The following WWOX variants were observed in gnomAD, a reference collection of about 807,000 sequenced individuals.
WWOX encodes the protein WW domain containing oxidoreductase, also known as WW domain-containing oxidoreductase.
A neutral mutation model predicts 46.2 loss-of-function variants in WWOX; 69 were observed. The ratio of observed to expected loss-of-function variants is 1.49; its 90% CI spans 1.23 to 1.82. The LOEUF (loss-of-function observed/expected upper bound fraction) is 1.82, where lower values mean the gene tolerates loss of function less well. Among genes scored for constraint, WWOX ranks in the 40% most tolerant of loss-of-function variants. The pLI, the probability that WWOX is intolerant of heterozygous loss-of-function variation, is 0.00. For missense variants in WWOX, 919 were observed against 542.6 expected (o/e 1.69, Z -6.89); for synonymous variants, 359 against 202.6 (o/e 1.77, Z -6.56).
At chr16:78,676,583 C>T (rs917857045) in intron 8 of WWOX, among the ~76,000 whole-genome samples, 1 of 152,080 alleles carries the variant, frequency 6.6e-6, no homozygotes, top group South Asian at 2.1e-4. Context: ...GATGAAATAT[C>T]GGGCACTCTG....
intron 5 of WWOX, among the ~76,000 whole-genome samples, chr16:78,281,643 A>T (rs1317576704): frequency 6.6e-6 from 1 of 152,192 alleles, no homozygotes. Flanking sequence ...AGGAGCAGGC[A>T]TGGCTGCGAG....
intron 5 of WWOX, among the ~76,000 whole-genome samples, chr16:78,296,727 G>A (rs932758474): frequency 2.6e-5 from 4 of 152,124 alleles, no homozygotes; most frequent in Non-Finnish European, 2.9e-5. Flanking sequence ...GGGAGCTGCT[G>A]TTGTGTTTGT....
chr16:78,294,532 T>G (rs964501561), intron 5 of WWOX, among the ~76,000 whole-genome samples: 4 of 152,186 alleles, frequency 2.6e-5, no homozygotes, highest in Admixed American at 2.6e-4. Context: ...TTTATACTCC[T>G]TGATGCAGAT....
At chr16:78,616,336 C>T (rs896341338) in intron 8 of WWOX, among the ~76,000 whole-genome samples, 6 of 151,990 alleles carry the variant, frequency 3.9e-5, no homozygotes, top group African/African-American at 1.5e-4. Flanking sequence ...TCTCACAATT[C>T]CGGAGGCTGA....
chr16:78,889,081 C>T (rs963919697), intron 8 of WWOX, among the ~76,000 whole-genome samples: 1 of 152,132 alleles, frequency 6.6e-6, no homozygotes, highest in Non-Finnish European at 1.5e-5. Context: ...TCTTTGAATT[C>T]AACTCAGAGG....
chr16:79,101,980 A>G (rs1351420313), intron 8 of WWOX, among the ~76,000 whole-genome samples: 1 of 145,376 alleles, frequency 6.9e-6, no homozygotes, highest in African/African-American at 2.5e-5. Flanking sequence ...CACTTAATTC[A>G]AGCTGCATCA....
chr16:78,886,407 T>C (rs2044459222), intron 8 of WWOX, among the ~76,000 whole-genome samples: 1 of 151,986 alleles, frequency 6.6e-6, no homozygotes, highest in South Asian at 2.1e-4. Flanking sequence ...TAATTTTGAA[T>C]GGTGGCTTCA....
chr16:78,208,150 A>G (rs890232634), intron 5 of WWOX, among the ~76,000 whole-genome samples: 1 of 152,148 alleles, frequency 6.6e-6, no homozygotes, highest in Non-Finnish European at 1.5e-5. Context: ...TCATATGCCA[A>G]TGTTTTATTC....
intron 6 of WWOX, among the ~76,000 whole-genome samples, chr16:78,410,742 G>A (rs1383606103): frequency 6.7e-6 from 1 of 148,980 alleles, no homozygotes; most frequent in Non-Finnish European, 1.5e-5. Context: ...GGAGGCGGAG[G>A]TTGTGGTCAA....
chr16:78,945,100 A>T (rs538612736), intron 8 of WWOX, among the ~76,000 whole-genome samples: 1 of 152,266 alleles, frequency 6.6e-6, no homozygotes, highest in Non-Finnish European at 1.5e-5. Flanking sequence ...GGATTGCTGG[A>T]GCCTGGGATA....
At chr16:79,140,391 C>G (rs1039656915) in intron 8 of WWOX, among the ~76,000 whole-genome samples, 2 of 152,194 alleles carry the variant, frequency 1.3e-5, no homozygotes, top group Non-Finnish European at 2.9e-5. Flanking sequence ...CATCCGCCAG[C>G]TCTTATAATC....
At chr16:78,420,948 C>T (rs1209588050) in intron 6 of WWOX, among the ~76,000 whole-genome samples, 1 of 152,012 alleles carries the variant, frequency 6.6e-6, no homozygotes. Flanking sequence ...TAATTTCCTG[C>T]TTTTTCAATT....
chr16:78,518,588 A>G (rs1597202468), intron 8 of WWOX, among the ~76,000 whole-genome samples: 5 of 152,336 alleles, frequency 3.3e-5, no homozygotes, highest in Admixed American at 2.0e-4. Context: ...TTTCTACACA[A>G]TGGAAACTTA....
At chr16:78,912,896 C>A (rs548829546) in intron 8 of WWOX, among the ~76,000 whole-genome samples, 2 of 152,068 alleles carry the variant, frequency 1.3e-5, no homozygotes, top group South Asian at 4.1e-4. Flanking sequence ...GCTTGGAAAA[C>A]ACTATCCATT....
chr16:78,887,130 G>T (rs1394517029), intron 8 of WWOX, among the ~76,000 whole-genome samples: 1 of 124,448 alleles, frequency 8.0e-6, no homozygotes, highest in Non-Finnish European at 1.7e-5. Flanking sequence ...GTGTGTGTGT[G>T]TGTGTATACC....
rs1199317546 is a variant in WWOX at position 78,422,684 on chromosome 16, T to TAC, written c.606-2170_606-2169dup. ...ACATGTATATATATATATATATATA[T>TAC]ACACACACACACACACATATATATA... On this transcript the variant is annotated intron_variant, in intron 6 of 8. Transcript: ENST00000566780. 1.1e-4 allele frequency among the ~76,000 whole-genome samples: 6 copies of TAC among 52,970 alleles called. 2 individuals carry two copies. The highest frequency in any genetic ancestry group is 7.0e-4 in the South Asian group (1 of 1,428). The allele number at this position is 52,970 out of a possible 152,430, so 34.8% of individuals were successfully genotyped here. A position where few individuals can be genotyped will look rare whatever the true frequency, so the allele number is the denominator to read the frequency against.
At position 78,443,772 on chromosome 16, in the gene WWOX, T is replaced by C. The variant is rs754423128; in HGVS notation, c.1056+11020T>C. On this transcript the variant is annotated intron_variant, in intron 8 of 8. Transcript: ENST00000566780. ...TAATGTGCTGCCTCTTTATAACTCTTTGTAGCTCTTTTATTACTTTTCTTT... is the reference window on the plus strand; with the variant it reads ...TAATGTGCTGCCTCTTTATAACTCTCTGTAGCTCTTTTATTACTTTTCTTT... Among the ~76,000 whole-genome samples, 6 of 152,334 alleles carry C rather than the reference T, an allele frequency of 3.9e-5. No homozygotes were observed. In the East Asian group the frequency reaches 5.8e-4, roughly 15 times the overall value.
intron 8 of WWOX, among the ~76,000 whole-genome samples, chr16:78,591,481 T>C (rs2045350714): frequency 6.6e-6 from 1 of 152,154 alleles, no homozygotes; most frequent in South Asian, 2.1e-4. Flanking sequence ...CTCATGTATC[T>C]CTATTACATG....
chr16:78,414,780 G>T (rs1408486888), intron 6 of WWOX, among the ~76,000 whole-genome samples: 1 of 152,104 alleles, frequency 6.6e-6, no homozygotes, highest in African/African-American at 2.4e-5. Flanking sequence ...TAGTTTTGGG[G>T]GAAAGCTGTT....
Sources: gnomAD v4.1 joint callset for allele counts (sites outside exome capture counted in the v4.1 genomes callset) on GRCh38, gnomAD v4.1.1 for gene constraint, MANE v1.5 for transcripts, NCBI Gene and HGNC (gene_info 2026-07-23, HGNC 2026-07-21) for gene names.